The following XYLB variants were observed in gnomAD, a reference collection of about 807,000 sequenced individuals.
XYLB encodes the protein xylulose kinase.
In XYLB, 62 loss-of-function variants were observed where a neutral mutation model predicts 78.7. The observed-to-expected ratio is 0.79, with a 90% CI of 0.64 to 0.97. XYLB has a LOEUF of 0.97. XYLB is among the 50% of genes least tolerant of loss of function. XYLB has a pLI of 0.00. For synonymous variants in XYLB, 245 were observed against 247.4 expected (o/e 0.99, Z 0.09); for missense variants, 687 against 676.8 (o/e 1.02, Z -0.17).
chr3:38,386,495 C>T (rs1707388030), intron 15 of XYLB, among the ~76,000 whole-genome samples: 1 of 151,956 alleles, frequency 6.6e-6, no homozygotes, highest in African/African-American at 2.4e-5. Context: ...AAATGGATTA[C>T]ATATCAATTT....
intron 18 of XYLB, among the ~76,000 whole-genome samples, chr3:38,405,059 A>C (rs1259800710): frequency 6.6e-6 from 1 of 152,016 alleles, no homozygotes; most frequent in Non-Finnish European, 1.5e-5. Flanking sequence ...GAAGAGTAAG[A>C]ATGTGGGGTT....
At chr3:38,373,841 G>C (rs1405036334) in intron 10 of XYLB, among the ~76,000 whole-genome samples, 2 of 152,148 alleles carry the variant, frequency 1.3e-5, no homozygotes, top group African/African-American at 4.8e-5. Context: ...GGGCCCTTCA[G>C]CAATCAAGGC....
At chr3:38,437,594 C>T in the XYLB span, among the ~76,000 whole-genome samples, 1 of 152,248 alleles carries the variant, frequency 6.6e-6, no homozygotes, top group East Asian at 1.9e-4. Context: ...AATTGATGTA[C>T]AAAAACCAGT....
At chr3:38,438,593 G>C in the XYLB span, among the ~76,000 whole-genome samples, 2 of 152,220 alleles carry the variant, frequency 1.3e-5, no homozygotes, top group Non-Finnish European at 2.9e-5. Context: ...TGGTCTTGCT[G>C]ACTTTAAGAA....
chr3:38,372,256 T>C (rs1342859137), intron 9 of XYLB: 1 of 251,654 alleles, frequency 4.0e-6, no homozygotes, highest in African/African-American at 2.3e-5. Context: ...GGTGATAGAG[T>C]GAGTGTGTGA....
At chr3:38,362,251 G>T (rs568943071) in intron 3 of XYLB, among the ~76,000 whole-genome samples, 149 of 152,288 alleles carry the variant, frequency 9.8e-4, no homozygotes, top group African/African-American at 3.5e-3. Context: ...TACTTTGTTA[G>T]TTTTTGAGAC....
chr3:38,373,973 A>G (rs1203882670), intron 10 of XYLB, among the ~76,000 whole-genome samples: 1 of 151,838 alleles, frequency 6.6e-6, no homozygotes, highest in Non-Finnish European at 1.5e-5. Context: ...AGCTATGATC[A>G]TGCCACTGCA....
intron 14 of XYLB, among the ~76,000 whole-genome samples, chr3:38,377,444 T>C (rs1319070947): frequency 6.8e-6 from 1 of 147,850 alleles, no homozygotes; most frequent in African/African-American, 2.5e-5. Flanking sequence ...TTACTTTTCT[T>C]TTTTTTTTTT....
At chr3:38,366,128 G>GA (rs1480608134) in intron 6 of XYLB, among the ~76,000 whole-genome samples, 2 of 150,756 alleles carry the variant, frequency 1.3e-5, no homozygotes, top group South Asian at 2.1e-4. Flanking sequence ...AAAAAAAAAG[G>GA]AAAAAAAATA....
intron 2 of XYLB, among the ~76,000 whole-genome samples, chr3:38,351,211 A>G (rs1253158699): frequency 6.8e-6 from 1 of 148,090 alleles, no homozygotes; most frequent in South Asian, 2.1e-4. Context: ...GAAGTCTGGA[A>G]GTGTGTTGTT....
chr3:38,354,569 C>T lies in XYLB; in HGVS notation c.141-5770C>T, dbSNP rs373047040. On this transcript the variant is annotated intron_variant, in intron 2 of 18. Transcript: ENST00000207870. ...CCAGGTTGAAGTGCAGTGGTGTGTTCTCTGCTCACTGCAACCTCCACCTCC... is the reference window on the plus strand; with the variant it reads ...CCAGGTTGAAGTGCAGTGGTGTGTTTTCTGCTCACTGCAACCTCCACCTCC... 4.7e-5 allele frequency among the ~76,000 whole-genome samples: 7 copies of T among 148,788 alleles called. No homozygotes were observed. The East Asian group carries it at 1.2e-3, about 25-fold the overall frequency.
intron 3 of XYLB, among the ~76,000 whole-genome samples, chr3:38,361,522 G>A (rs1440558343): frequency 6.6e-6 from 1 of 152,236 alleles, no homozygotes; most frequent in Non-Finnish European, 1.5e-5. Flanking sequence ...TGGCTAGAAT[G>A]TACTTCAGAG....
downstream of XYLB, among the ~76,000 whole-genome samples, chr3:38,419,215 ATTTTAATG>A (rs1314628466): frequency 6.6e-6 from 1 of 152,148 alleles, no homozygotes; most frequent in Non-Finnish European, 1.5e-5. Flanking sequence ...AATAGTTAAT[ATTTTAATG>A]TTTTAAATTT....
chr3:38,362,619 G>A (rs182022), intron 3 of XYLB, among the ~76,000 whole-genome samples: 135,693 of 152,072 alleles, frequency 0.89, 61,127 homozygotes, highest in East Asian at 1. Context: ...CTGAGATTGC[G>A]CCACTCCATT....
chr3:38,363,448 G>T (rs56127944), intron 4 of XYLB, among the ~76,000 whole-genome samples: 10 of 2,956 alleles, frequency 3.4e-3, no homozygotes, highest in East Asian at 0.071. Flanking sequence ...GACATTGACT[G>T]AGCACTTAGT....
At chr3:38,370,705 ATGAGT>A (rs1389187622) in intron 9 of XYLB, among the ~76,000 whole-genome samples, 1 of 152,134 alleles carries the variant, frequency 6.6e-6, no homozygotes. Flanking sequence ...TGCAAATTAG[ATGAGT>A]TAATACTTTT....
intron 12 of XYLB, 24 bp from the exon 13 acceptor site, chr3:38,376,093 T>G (rs201034402): frequency 8.4e-5 from 129 of 1,530,094 alleles, no homozygotes; most frequent in Non-Finnish European, 1.1e-4. Context: ...GCTCCCTCCC[T>G]CAGAGCTATG....
chr3:38,354,209 G>T (rs1705519804), intron 2 of XYLB, among the ~76,000 whole-genome samples: 3 of 151,894 alleles, frequency 2.0e-5, no homozygotes, highest in African/African-American at 7.2e-5. Context: ...GAGTAATTGG[G>T]ATTACAGGCG....
At chr3:38,445,757 C>T in the XYLB span, among the ~76,000 whole-genome samples, 2 of 152,186 alleles carry the variant, frequency 1.3e-5, no homozygotes, top group African/African-American at 4.8e-5. Context: ...AGCCCTTTCC[C>T]AGAAAGCCTG....
Sources: allele counts gnomAD v4.1 joint callset (sites outside exome capture counted in the v4.1 genomes callset), GRCh38; gene constraint gnomAD v4.1.1; transcripts MANE v1.5; gene names NCBI Gene and HGNC (gene_info 2026-07-23, HGNC 2026-07-21).